LRP1B: variants seen among roughly 807,000 people sequenced by gnomAD.
The protein encoded by LRP1B is LDL receptor related protein 1B, also known as low-density lipoprotein receptor-related protein 1B.
In LRP1B, 217 loss-of-function variants were observed where a neutral mutation model predicts 556.6. That is an observed-to-expected ratio of 0.39 (90% confidence interval 0.35 to 0.44). LRP1B has a LOEUF of 0.44. LRP1B is among the 20% of genes least tolerant of loss of function. The pLI is 1.00. For missense variants in LRP1B, 5,053 were observed against 5,620.8 expected, an observed-to-expected ratio of 0.90 and a Z score of 3.23; for synonymous variants, 2,047 against 1,865.8, an observed-to-expected ratio of 1.10 and a Z score of -2.50.
At position 141,799,808 on chromosome 2, in the gene LRP1B, CTG is replaced by C. The variant is rs145191262; in HGVS notation, c.205+10469_205+10470del. 6.8e-3 allele frequency among the ~76,000 whole-genome samples: 1,003 copies of C among 147,358 alleles called. 6 individuals are homozygous for C. Among genetic ancestry groups the C allele is most frequent in the Middle Eastern group, 0.024 (7 of 294 alleles). On this transcript the variant is annotated intron_variant, in intron 2 of 90. Coordinates refer to ENST00000389484, the MANE Select transcript of LRP1B (RefSeq NM_018557.3). ...AACAATCTGTTTTTAAAGAGTGTGT[CTG>C]TGTGTGTGTGTGTGTGTGTGTATGA...
intron 2 of LRP1B, among the ~76,000 whole-genome samples, chr2:141,573,182 G>C (rs917242094): frequency 6.6e-6 from 1 of 151,572 alleles, no homozygotes; most frequent in Non-Finnish European, 1.5e-5. Context: ...TTCTGAAATT[G>C]ACCACATAAT....
At chr2:141,828,441 A>T (rs541306501) in intron 1 of LRP1B, among the ~76,000 whole-genome samples, 1 of 152,300 alleles carries the variant, frequency 6.6e-6, no homozygotes, top group South Asian at 2.1e-4. Context: ...TTCACTCAAT[A>T]TTAAAAAATA....
chr2:140,814,423 A>C (rs1055797867), intron 31 of LRP1B, among the ~76,000 whole-genome samples: 28 of 152,328 alleles, frequency 1.8e-4, no homozygotes, highest in African/African-American at 6.7e-4. Flanking sequence ...AGAGTAGATA[A>C]GAAATCTGTG....
At chr2:140,513,806 CCTT>C (rs1246186840) in intron 51 of LRP1B, among the ~76,000 whole-genome samples, 1 of 151,916 alleles carries the variant, frequency 6.6e-6, no homozygotes, top group African/African-American at 2.4e-5. Flanking sequence ...TGACTTGGGT[CCTT>C]CTCTTCCTAA....
At chr2:140,576,946 G>C (rs1006563206) in intron 43 of LRP1B, among the ~76,000 whole-genome samples, 1 of 151,762 alleles carries the variant, frequency 6.6e-6, no homozygotes, top group Non-Finnish European at 1.5e-5. Context: ...AGAGTATTTT[G>C]TTTCTTTTAA....
chr2:141,923,446 A>ATGTGTGTGTGTG (rs56356725), intron 1 of LRP1B, among the ~76,000 whole-genome samples: 1 of 81,774 alleles, frequency 1.2e-5, no homozygotes, highest in African/African-American at 4.7e-5. Flanking sequence ...TTATATATAT[A>ATGTGTGTGTGTG]TGTGTGTGTG....
intron 66 of LRP1B, among the ~76,000 whole-genome samples, chr2:140,392,213 T>G (rs1306272765): frequency 6.6e-6 from 1 of 152,120 alleles, no homozygotes; most frequent in Admixed American, 6.6e-5. Flanking sequence ...AAGTTTTTGT[T>G]TTTCTTTTAC....
At chr2:142,100,924 G>A (rs1284575369) in intron 1 of LRP1B, among the ~76,000 whole-genome samples, 10 of 151,974 alleles carry the variant, frequency 6.6e-5, no homozygotes, top group Non-Finnish European at 2.9e-5. Flanking sequence ...GATGAAGGGA[G>A]AGAGGGAAGG....
intron 18 of LRP1B, among the ~76,000 whole-genome samples, chr2:140,965,708 C>T (rs1483257514): frequency 1.3e-5 from 2 of 152,092 alleles, no homozygotes; most frequent in Non-Finnish European, 2.9e-5. Context: ...CTCCCCACTC[C>T]CCTCTACCCC....
At chr2:141,124,627 A>G (rs1445490072) in intron 7 of LRP1B, among the ~76,000 whole-genome samples, 6 of 149,356 alleles carry the variant, frequency 4.0e-5, no homozygotes, top group African/African-American at 1.5e-4. Flanking sequence ...GGATAAAGAA[A>G]TTCTGTGTAC....
chr2:141,606,498 C>T (rs1345317913), intron 2 of LRP1B, among the ~76,000 whole-genome samples: 1 of 152,112 alleles, frequency 6.6e-6, no homozygotes, highest in Non-Finnish European at 1.5e-5. Flanking sequence ...CCCCAAAATT[C>T]CTGTGTTAAA....
intron 1 of LRP1B, among the ~76,000 whole-genome samples, chr2:141,975,589 T>C (rs941235040): frequency 1.3e-5 from 2 of 152,154 alleles, no homozygotes; most frequent in Admixed American, 1.3e-4. Context: ...AGCTGTAATG[T>C]GTTAACATAG....
intron 2 of LRP1B, among the ~76,000 whole-genome samples, chr2:141,640,894 G>C (rs886769178): frequency 6.6e-6 from 1 of 151,982 alleles, no homozygotes; most frequent in Non-Finnish European, 1.5e-5. Context: ...TCTTTACACA[G>C]AGCAATTGCA....
At chr2:140,594,860 G>A (rs761501538) in intron 43 of LRP1B, among the ~76,000 whole-genome samples, 1 of 151,672 alleles carries the variant, frequency 6.6e-6, no homozygotes. Flanking sequence ...TAGAATGAAC[G>A]ATGTTTTGCG....
chr2:140,610,427 C>T (rs1683028484), intron 41 of LRP1B, among the ~76,000 whole-genome samples: 1 of 152,100 alleles, frequency 6.6e-6, no homozygotes, highest in African/African-American at 2.4e-5. Context: ...CATATTTATG[C>T]TTTAATTCTT....
chr2:141,679,198 G>A (rs1028905819), intron 2 of LRP1B, among the ~76,000 whole-genome samples: 1 of 152,056 alleles, frequency 6.6e-6, no homozygotes, highest in African/African-American at 2.4e-5. Flanking sequence ...GTAAGCCTGG[G>A]TGAATCTCCC....
At chr2:140,423,368 T>A (rs1685527231) in intron 66 of LRP1B, among the ~76,000 whole-genome samples, 1 of 151,892 alleles carries the variant, frequency 6.6e-6, no homozygotes, top group South Asian at 2.1e-4. Context: ...AAAGGAAAGC[T>A]TTTTTTTAAT....
chr2:141,773,610 T>C (rs564295589), intron 2 of LRP1B, among the ~76,000 whole-genome samples: 128 of 152,216 alleles, frequency 8.4e-4, no homozygotes, highest in Non-Finnish European at 1.5e-3. Context: ...TTTAGAAGGT[T>C]TCTTGGCATT....
intron 2 of LRP1B, among the ~76,000 whole-genome samples, chr2:141,531,032 T>C (rs1421954681): frequency 2.0e-5 from 3 of 151,704 alleles, no homozygotes; most frequent in Admixed American, 1.3e-4. Flanking sequence ...AAGATTTATA[T>C]TTTTAAAATA....
Sources: allele counts gnomAD v4.1 joint callset (sites outside exome capture counted in the v4.1 genomes callset), GRCh38; gene constraint gnomAD v4.1.1; transcripts MANE v1.5; gene names NCBI Gene and HGNC (gene_info 2026-07-23, HGNC 2026-07-21).